Variants in TENM2 observed in about 807,000 individuals in gnomAD.
TENM2 encodes teneurin transmembrane protein 2, also known as teneurin-2.
TENM2 carries 52 observed loss-of-function variants against 245.2 expected under a neutral mutation model. That is an observed-to-expected ratio of 0.21 (90% confidence interval 0.17 to 0.27). The LOEUF (loss-of-function observed/expected upper bound fraction) is 0.27, where lower values mean the gene tolerates loss of function less well. TENM2 is among the 10% of genes least tolerant of loss of function. TENM2 has a pLI of 1.00. For missense variants in TENM2, 3,046 were observed against 3,666.8 expected (o/e 0.83, Z 4.37); for synonymous variants, 1,363 against 1,438.9 (o/e 0.95, Z 1.19).
chr5:167,359,182 T>C (rs2127259349), intron 1 of TENM2, among the ~76,000 whole-genome samples: 1 of 152,288 alleles, frequency 6.6e-6, no homozygotes. Flanking sequence ...AACAATGCAA[T>C]GGCTATTTCA....
intron 10 of TENM2, among the ~76,000 whole-genome samples, chr5:168,121,247 A>G (rs1412767432): frequency 6.6e-6 from 1 of 152,230 alleles, no homozygotes; most frequent in Non-Finnish European, 1.5e-5. Context: ...TTCGAGGCAC[A>G]TGGTACTTAG....
intron 2 of TENM2, among the ~76,000 whole-genome samples, chr5:167,685,067 A>G (rs1288755624): frequency 6.6e-6 from 1 of 152,164 alleles, no homozygotes; most frequent in African/African-American, 2.4e-5. Flanking sequence ...CTCATGTGGA[A>G]TTGTTAGTCA....
chr5:167,398,870 A>G (rs902460022), intron 2 of TENM2, among the ~76,000 whole-genome samples: 1 of 152,156 alleles, frequency 6.6e-6, no homozygotes, highest in African/African-American at 2.4e-5. Context: ...TTTTGGTGTT[A>G]CTGTTTTTAA....
chr5:167,038,771 T>G, the TENM2 span, among the ~76,000 whole-genome samples: 4 of 152,168 alleles, frequency 2.6e-5, no homozygotes, highest in African/African-American at 7.2e-5. Context: ...TAGAGATTAT[T>G]AAGAATATAA....
chr5:167,941,200 G>C (rs1779148311), intron 3 of TENM2, among the ~76,000 whole-genome samples: 1 of 152,198 alleles, frequency 6.6e-6, no homozygotes, highest in Non-Finnish European at 1.5e-5. Flanking sequence ...ATGAGCCAAA[G>C]AAACTTGAAA....
rs60407919 is a variant in TENM2 at position 167,385,856 on chromosome 5, ATGTGTGTGTGTGTG to A, written c.502+10415_502+10428del. On this transcript the variant is annotated intron_variant, in intron 2 of 28. Coordinates refer to ENST00000518659, the Ensembl canonical transcript of TENM2. ...CTGAGTAGTATTCCATTATATATAT[ATGTGTGTGTGTGTG>A]TGTGTGTGTGTGTGTGTGTGTGTGT... Among the ~76,000 whole-genome samples, 81 of 139,146 alleles carry A rather than the reference ATGTGTGTGTGTGTG, an allele frequency of 5.8e-4. No individual in the cohort carries two copies. The East Asian group carries it at 6.4e-3, about 11-fold the overall frequency. 91.3% of individuals were successfully genotyped at this position (139,146 alleles called of 152,430 possible).
At chr5:168,076,067 G>C (rs939637271) in intron 7 of TENM2, among the ~76,000 whole-genome samples, 2 of 151,998 alleles carry the variant, frequency 1.3e-5, no homozygotes, top group South Asian at 2.1e-4. Flanking sequence ...CAGTTTCTGT[G>C]GCTTATTCCT....
chr5:167,763,158 C>G (rs1425240950), intron 2 of TENM2, among the ~76,000 whole-genome samples: 2 of 152,172 alleles, frequency 1.3e-5, no homozygotes, highest in Admixed American at 6.5e-5. Flanking sequence ...TGGTGCAAGG[C>G]TCACTGCTTA....
the TENM2 span, among the ~76,000 whole-genome samples, chr5:167,252,918 G>A: frequency 6.6e-6 from 1 of 152,094 alleles, no homozygotes; most frequent in Non-Finnish European, 1.5e-5. Context: ...GGCCTTACGT[G>A]TCATAGCTCT....
intron 2 of TENM2, among the ~76,000 whole-genome samples, chr5:167,736,349 G>A (rs1339221556): frequency 6.6e-6 from 1 of 151,938 alleles, no homozygotes; most frequent in African/African-American, 2.4e-5. Context: ...ATTTGGGTGG[G>A]GACACAGCCA....
At chr5:167,571,103 AT>A (rs1362675997) in intron 2 of TENM2, among the ~76,000 whole-genome samples, 1 of 152,224 alleles carries the variant, frequency 6.6e-6, no homozygotes, top group African/African-American at 2.4e-5. Context: ...CATGTTATCC[AT>A]TTTTAAAATT....
At chr5:167,580,145 T>A (rs1774988421) in intron 2 of TENM2, among the ~76,000 whole-genome samples, 1 of 152,240 alleles carries the variant, frequency 6.6e-6, no homozygotes. Context: ...CCAGATTTCT[T>A]CCTTGACTCC....
At chr5:167,097,367 A>G in the TENM2 span, among the ~76,000 whole-genome samples, 58 of 152,306 alleles carry the variant, frequency 3.8e-4, 1 homozygote, top group South Asian at 8.1e-3. Context: ...ATTGGCATCA[A>G]GGTAAATATT....
At chr5:167,872,516 G>GAA (rs1230369609) in intron 2 of TENM2, among the ~76,000 whole-genome samples, 46 of 49,720 alleles carry the variant, frequency 9.3e-4, no homozygotes, top group Middle Eastern at 0.02. Context: ...AAGAAAGAAA[G>GAA]AAAGAAAGAA....
intron 2 of TENM2, among the ~76,000 whole-genome samples, chr5:167,451,899 T>TC (rs1765609641): frequency 1.3e-5 from 2 of 152,112 alleles, no homozygotes; most frequent in South Asian, 4.1e-4. Context: ...TCCACCCTCC[T>TC]CGGCCTCCCA....
At chr5:167,180,103 C>CTTTTT in the TENM2 span, among the ~76,000 whole-genome samples, 722 of 114,892 alleles carry the variant, frequency 6.3e-3, 31 homozygotes, top group African/African-American at 0.028. Context: ...TAAGTGCTTC[C>CTTTTT]TTTTTTTTTT....
the TENM2 span, among the ~76,000 whole-genome samples, chr5:167,230,565 A>C: frequency 6.6e-6 from 1 of 152,108 alleles, no homozygotes; most frequent in Non-Finnish European, 1.5e-5. Flanking sequence ...ACGGCTTTCA[A>C]ATCTAGTTGC....
intron 5 of TENM2, among the ~76,000 whole-genome samples, chr5:168,012,809 G>A (rs73803826): frequency 2.2e-4 from 32 of 146,962 alleles, no homozygotes; most frequent in African/African-American, 7.9e-4. Context: ...CCTAACAGTG[G>A]TTTATATTGA....
At chr5:167,556,533 A>G (rs1340080344) in intron 2 of TENM2, among the ~76,000 whole-genome samples, 1 of 152,082 alleles carries the variant, frequency 6.6e-6, no homozygotes. Context: ...GTCAGAGGAA[A>G]CAATACATAT....
Sources: allele counts gnomAD v4.1 joint callset (sites outside exome capture counted in the v4.1 genomes callset), GRCh38; gene constraint gnomAD v4.1.1; transcripts MANE v1.5; gene names NCBI Gene and HGNC (gene_info 2026-07-23, HGNC 2026-07-21).